SLC6A14: variants seen among roughly 807,000 people sequenced by gnomAD.
SLC6A14 encodes sodium- and chloride-dependent neutral and basic amino acid transporter B(0+).
SLC6A14 carries 21 observed loss-of-function variants against 51.4 expected under a neutral mutation model. The observed-to-expected ratio is 0.41, with a 90% confidence interval of 0.29 to 0.59. SLC6A14 has a LOEUF of 0.59. Among genes scored for constraint, SLC6A14 ranks in the 20% least tolerant of loss-of-function variants. The probability of loss-of-function intolerance (pLI) is 0.31; values close to 1 mark genes in which losing one functional copy is unlikely to be tolerated. For missense variants in SLC6A14, 371 were observed against 472.8 expected, an observed-to-expected ratio of 0.78 and a Z score of 2.00; for synonymous variants, 177 against 160.7, an observed-to-expected ratio of 1.10 and a Z score of -0.77.
chrX:116,455,191 G>T, intron 11 of SLC6A14, 115 bp downstream of exon 11: 1 of 601,884 alleles, frequency 1.7e-6, no homozygotes. Context: ...TAATAGCAAA[G>T]TACAATATAC....
chrX:116,437,871 G>T lies in SLC6A14; in HGVS notation c.130G>T (p.Asp44Tyr). 8.3e-7 allele frequency: 1 copy of T among 1,207,153 alleles called. No individual in the cohort carries two copies. Among genetic ancestry groups the T allele is most frequent in the African/African-American group, 1.7e-5 (1 of 57,680 alleles). Residue 44 changes from aspartate (D) to tyrosine (Y), a missense_variant, in exon 2 of 14, where the codon GAT (aspartate) becomes TAT (tyrosine). By Grantham distance (160) the Asp-to-Tyr change is radical. Around this residue, in one of 2 missense-constraint regions of SLC6A14, gnomAD observed 277 missense variants for 391.8 expected, o/e 0.71. Coordinates refer to ENST00000598581, the MANE Select transcript of SLC6A14 (RefSeq NM_007231.5). ...QDRGNWSKKS[D>Y]YLLSMIGYAV... ...CCGTGGTAACTGGTCCAAAAAATCG[G>T]ATTATCTTCTATCTATGATTGGATA... is the stretch of plus-strand genomic sequence containing the variant.
At chrX:116,440,046 T>G (rs782158984) in intron 2 of SLC6A14, among the ~76,000 whole-genome samples, 1 of 111,952 alleles carries the variant, frequency 8.9e-6, no homozygotes, top group African/African-American at 3.2e-5. Context: ...AAACCCATTT[T>G]TATCCACTGA....
intron 1 of SLC6A14, 126 bp downstream of exon 1, chrX:116,436,883 G>A (rs1028507831): frequency 1.2e-4 from 67 of 561,842 alleles, no homozygotes; most frequent in Non-Finnish European, 1.7e-4. Context: ...TCAACTATTA[G>A]GTGTGACTGA....
In SLC6A14 at chrX:116,451,556, G is replaced by T. The variant is rs1556694404; in HGVS notation, c.1045G>T (p.Val349Leu). ...AAACAACTGCTTCTCTGATGCCATTGTGGTTTGTTTGACAAACTGTCTCAC... is the reference window on the plus strand; with the variant it reads ...AAACAACTGCTTCTCTGATGCCATTTTGGTTTGTTTGACAAACTGTCTCAC... ...FKNNCFSDAI[V>L]VCLTNCLTSV... The change falls in exon 8 of 14, where the codon GTG (valine) becomes TTG (leucine). Residue 349 changes from valine (V) to leucine (L), a missense_variant. By Grantham distance (32) the Val-to-Leu change is conservative. Coordinates refer to ENST00000598581, the MANE Select transcript of SLC6A14 (RefSeq NM_007231.5). 8.3e-7 allele frequency: 1 copy of T among 1,208,183 alleles called. No homozygotes were observed. Among genetic ancestry groups the T allele is most frequent in the African/African-American group, 1.8e-5 (1 of 56,950 alleles).
chrX:116,460,096 T>C lies in SLC6A14; in HGVS notation c.*1141T>C, dbSNP rs572868059. 23 of 112,085 alleles carry C rather than the reference T, an allele frequency of 2.1e-4. No individual in the cohort carries two copies. In the South Asian group the frequency reaches 5.9e-3, roughly 29 times the overall value. The allele number at this position is 112,085 out of a possible 1,213,427, so 9.2% of individuals were successfully genotyped here. A position where few individuals can be genotyped will look rare whatever the true frequency, so the allele number is the denominator to read the frequency against. ...AGCCTATGATGATAAACACTGCCTATATATGTAAATAGCTTTTCATCAATT... is the reference window on the plus strand; with the variant it reads ...AGCCTATGATGATAAACACTGCCTACATATGTAAATAGCTTTTCATCAATT... On this transcript the variant is annotated 3_prime_UTR_variant, in exon 14 of 14. Coordinates refer to ENST00000598581, the MANE Select transcript of SLC6A14 (RefSeq NM_007231.5).
chrX:116,443,856 C>A, intron 5 of SLC6A14, 66 bp downstream of exon 5: 2 of 817,498 alleles, frequency 2.4e-6, no homozygotes, highest in Non-Finnish European at 3.4e-6. Context: ...AACAACAAAA[C>A]ATTAATCATC....
chrX:116,436,826 C>T lies in SLC6A14; in HGVS notation c.48+69C>T, dbSNP rs1927491760. ...GGAAAACTTAAGGGGGGTTGCTAGT[C>T]TCAGTTTTTGCTTTCTGTGGCTGTT... On this transcript the variant is annotated intron_variant, in intron 1 of 13. Coordinates refer to ENST00000598581, the MANE Select transcript of SLC6A14 (RefSeq NM_007231.5). 6 of 1,019,776 alleles carry T rather than the reference C, an allele frequency of 5.9e-6. No individual in the cohort carries two copies. In the Admixed American group the frequency reaches 1.4e-4, roughly 24 times the overall value. 84.0% of individuals were successfully genotyped at this position (1,019,776 alleles called of 1,213,427 possible).
intron 2 of SLC6A14, 97 bp from the exon 3 acceptor site, chrX:116,440,869 A>G: frequency 1.1e-6 from 1 of 937,258 alleles, no homozygotes; most frequent in East Asian, 3.2e-5. Flanking sequence ...TTTGATTCCA[A>G]TATATCAGGA....
chrX:116,447,591 C>CTTT (rs782273399), intron 7 of SLC6A14, among the ~76,000 whole-genome samples: 18 of 91,931 alleles, frequency 2.0e-4, no homozygotes, highest in African/African-American at 5.7e-4. Flanking sequence ...GCTTTCACTT[C>CTTT]TTTTTTTTTT....
At chrX:116,437,226 CTG>C (rs1927500097) in intron 1 of SLC6A14, among the ~76,000 whole-genome samples, 1 of 111,495 alleles carries the variant, frequency 9.0e-6, no homozygotes, top group African/African-American at 3.3e-5. Context: ...TGATTTTAAT[CTG>C]TAAGACAAAG....
In SLC6A14 at chrX:116,459,248, C is replaced by G; in HGVS notation, c.*293C>G. ...GTAAATAGTATATGCATTTTTAATACATTGGAGGCTTTATTTTGAACTAAT... is the reference window on the plus strand; with the variant it reads ...GTAAATAGTATATGCATTTTTAATAGATTGGAGGCTTTATTTTGAACTAAT... On this transcript the variant is annotated 3_prime_UTR_variant, in exon 14 of 14. Transcript: ENST00000598581. 1 of 174,037 alleles carries G rather than the reference C, an allele frequency of 5.7e-6. No individual in the cohort carries two copies. 14.3% of individuals were successfully genotyped at this position (174,037 alleles called of 1,213,427 possible).
At chrX:116,458,702 TTAG>T (rs1439139832) in intron 13 of SLC6A14, 104 bp from the exon 14 acceptor site, 3 of 695,833 alleles carry the variant, frequency 4.3e-6, no homozygotes, top group Non-Finnish European at 6.0e-6. Flanking sequence ...TTATTTTTTG[TTAG>T]TAGAGAAAAA....
At chrX:116,446,949 T>G (rs1189278688) in intron 7 of SLC6A14, 68 bp downstream of exon 7, 5 of 930,588 alleles carry the variant, frequency 5.4e-6, no homozygotes, top group Admixed American at 2.4e-5. Flanking sequence ...CAAACATCTT[T>G]GGTTCCATAT....
chrX:116,456,718 A>G (rs1327414571), intron 12 of SLC6A14, among the ~76,000 whole-genome samples: 2 of 111,500 alleles, frequency 1.8e-5, no homozygotes, highest in African/African-American at 3.2e-5. Flanking sequence ...GTATATTTAA[A>G]TTACTGTAAT....
chrX:116,440,818 T>C, intron 2 of SLC6A14, 148 bp from the exon 3 acceptor site: 1 of 518,467 alleles, frequency 1.9e-6, no homozygotes, highest in Non-Finnish European at 3.2e-6. Context: ...CAACTACTTA[T>C]TCATAGAAAG....
At chrX:116,439,435 G>A (rs1036594722) in intron 2 of SLC6A14, among the ~76,000 whole-genome samples, 2 of 111,005 alleles carry the variant, frequency 1.8e-5, no homozygotes, top group Non-Finnish European at 3.8e-5. Context: ...TAAAAATATG[G>A]TCAGGTTTGA....
chrX:116,450,228 T>C (rs782210207), intron 7 of SLC6A14, among the ~76,000 whole-genome samples: 2 of 111,289 alleles, frequency 1.8e-5, no homozygotes, highest in Non-Finnish European at 3.8e-5. Flanking sequence ...CTACAAATTT[T>C]GGAGGAAAAA....
chrX:116,436,902 T>A, intron 1 of SLC6A14, 145 bp downstream of exon 1: 1 of 474,836 alleles, frequency 2.1e-6, no homozygotes, highest in Non-Finnish European at 3.5e-6. Flanking sequence ...GAGATATACC[T>A]ATAGAGTAGA....
chrX:116,455,236 A>G, intron 11 of SLC6A14, 121 bp from the exon 12 acceptor site: 1 of 635,128 alleles, frequency 1.6e-6, no homozygotes, highest in Non-Finnish European at 2.5e-6. Context: ...ATATAATTAC[A>G]GGTGTATGAT....
Sources: allele counts gnomAD v4.1 joint callset (sites outside exome capture counted in the v4.1 genomes callset), GRCh38; gene constraint gnomAD v4.1.1; regional missense constraint gnomAD v4.1.1; transcripts MANE v1.5; gene names NCBI Gene and HGNC (gene_info 2026-07-23, HGNC 2026-07-21).